The following EML1 variants were observed in gnomAD, a reference collection of about 807,000 sequenced individuals.
EML1 encodes echinoderm microtubule-associated protein-like 1.
A neutral mutation model predicts 110.4 loss-of-function variants in EML1; 27 were observed. The observed-to-expected ratio is 0.24, with a 90% CI of 0.18 to 0.34. The LOEUF (loss-of-function observed/expected upper bound fraction) is 0.34. EML1 is among the 10% of genes least tolerant of loss of function. The probability of loss-of-function intolerance (pLI) is 1.00; values close to 1 mark genes in which losing one functional copy is unlikely to be tolerated. For synonymous variants in EML1, 344 were observed against 385.8 expected (o/e 0.89, Z 1.27); for missense variants, 741 against 1,030.9 (o/e 0.72, Z 3.85).
At chr14:99,739,944 C>T (rs2140157879) in intron 1 of EML1, among the ~76,000 whole-genome samples, 1 of 152,324 alleles carries the variant, frequency 6.6e-6, no homozygotes, top group Admixed American at 6.5e-5. Context: ...TATTCAAGGG[C>T]ACTGTGCCTC....
At chr14:99,861,776 C>T (rs1473700094) in intron 2 of EML1, among the ~76,000 whole-genome samples, 1 of 152,124 alleles carries the variant, frequency 6.6e-6, no homozygotes, top group African/African-American at 2.4e-5. Context: ...GCCACCATGC[C>T]TGGCCTCTGC....
intron 1 of EML1, among the ~76,000 whole-genome samples, chr14:99,816,145 A>G (rs1452282232): frequency 2.0e-5 from 3 of 152,090 alleles, no homozygotes; most frequent in Admixed American, 6.6e-5. Context: ...ATCCGACTAG[A>G]CGTACTTTCA....
chr14:99,870,964 ATT>A (rs112229345), intron 3 of EML1, among the ~76,000 whole-genome samples: 12 of 146,718 alleles, frequency 8.2e-5, no homozygotes, highest in African/African-American at 3.0e-4. Flanking sequence ...AGGAAATAAC[ATT>A]TTTTTTTTTT....
At chr14:99,738,885 C>T (rs1267972802) in intron 1 of EML1, among the ~76,000 whole-genome samples, 2 of 152,222 alleles carry the variant, frequency 1.3e-5, no homozygotes, top group East Asian at 1.9e-4. Context: ...GTCGCTGGCA[C>T]GTGGATTCCT....
intron 1 of EML1, among the ~76,000 whole-genome samples, chr14:99,812,548 A>G (rs1472007299): frequency 6.6e-6 from 1 of 151,588 alleles, no homozygotes; most frequent in Non-Finnish European, 1.5e-5. Flanking sequence ...GCCTCCCCAC[A>G]TGCATTGTCC....
At chr14:99,754,374 G>A (rs890295775) in intron 1 of EML1, among the ~76,000 whole-genome samples, 4 of 152,174 alleles carry the variant, frequency 2.6e-5, no homozygotes, top group Non-Finnish European at 5.9e-5. Context: ...CTCCCCCCAC[G>A]GTGGCACGCA....
chr14:99,822,859 T>C (rs1464944213), intron 1 of EML1, among the ~76,000 whole-genome samples: 25 of 152,244 alleles, frequency 1.6e-4, no homozygotes. Context: ...TTTCCATTTC[T>C]TTGGTTCCCG....
At chr14:99,835,248 T>G (rs2058520983) in intron 1 of EML1, among the ~76,000 whole-genome samples, 2 of 152,232 alleles carry the variant, frequency 1.3e-5, no homozygotes, top group African/African-American at 4.8e-5. Context: ...GTTACTGAAT[T>G]TATTGGCATA....
chr14:99,787,328 G>A (rs562025153), intron 1 of EML1, among the ~76,000 whole-genome samples: 8 of 140,636 alleles, frequency 5.7e-5, no homozygotes, highest in African/African-American at 1.1e-4. Flanking sequence ...GCTGGATTGC[G>A]GTGGGCACGA....
chr14:99,863,657 T>C (rs2059041616), intron 2 of EML1, among the ~76,000 whole-genome samples: 1 of 152,244 alleles, frequency 6.6e-6, no homozygotes, highest in Non-Finnish European at 1.5e-5. Context: ...ATTTCAGATG[T>C]GGTTTGCTTC....
chr14:99,847,685 T>G (rs956075647), intron 1 of EML1, among the ~76,000 whole-genome samples: 1 of 152,328 alleles, frequency 6.6e-6, no homozygotes, highest in South Asian at 2.1e-4. Flanking sequence ...TTCATGTATT[T>G]TAAAGCTCTA....
upstream of EML1, among the ~76,000 whole-genome samples, chr14:99,790,865 C>CTTTTTT (rs763959981): frequency 2.0e-4 from 28 of 138,520 alleles, no homozygotes; most frequent in African/African-American, 3.9e-4. Context: ...TTTTTCTTTT[C>CTTTTTT]CTTTTTTTTT....
intron 17 of EML1, among the ~76,000 whole-genome samples, chr14:99,935,363 G>C (rs1023845731): frequency 6.6e-6 from 1 of 151,884 alleles, no homozygotes; most frequent in African/African-American, 2.4e-5. Flanking sequence ...TGTAGTCCCA[G>C]ATACTTCCCT....
At chr14:99,851,095 C>T in intron 2 of EML1, 60 bp downstream of exon 2, 2 of 1,536,192 alleles carry the variant, frequency 1.3e-6, no homozygotes, top group South Asian at 1.2e-5. Context: ...GAATCTTGCT[C>T]TAGCAAACAC....
intron 6 of EML1, among the ~76,000 whole-genome samples, chr14:99,896,401 C>T (rs1371426014): frequency 6.6e-6 from 1 of 152,064 alleles, no homozygotes; most frequent in Non-Finnish European, 1.5e-5. Context: ...CATTTACCTG[C>T]ACCTGTTTTG....
intron 1 of EML1, among the ~76,000 whole-genome samples, chr14:99,780,054 C>A (rs967508788): frequency 3.9e-5 from 6 of 152,084 alleles, no homozygotes; most frequent in Non-Finnish European, 8.8e-5. Context: ...CTCTTCCTGG[C>A]TTGCAGACTG....
At chr14:99,881,144 G>A (rs994448537) in intron 4 of EML1, among the ~76,000 whole-genome samples, 17 of 152,218 alleles carry the variant, frequency 1.1e-4, no homozygotes, top group African/African-American at 3.6e-4. Context: ...CCTGCCCGCT[G>A]TTCCAGAGCC....
At chr14:99,864,291 T>C (rs1236601470) in intron 2 of EML1, among the ~76,000 whole-genome samples, 2 of 152,358 alleles carry the variant, frequency 1.3e-5, no homozygotes, top group South Asian at 2.1e-4. Flanking sequence ...ATCTATGCCT[T>C]GTATTTTAAT....
chr14:99,811,040 G>A (rs909844803), intron 1 of EML1, among the ~76,000 whole-genome samples: 6 of 152,036 alleles, frequency 3.9e-5, no homozygotes, highest in African/African-American at 1.5e-4. Context: ...ATGTCTGTCT[G>A]GGATCCCATA....
Sources: gnomAD v4.1 joint callset for allele counts (sites outside exome capture counted in the v4.1 genomes callset) on GRCh38, gnomAD v4.1.1 for gene constraint, MANE v1.5 for transcripts, NCBI Gene and HGNC (gene_info 2026-07-23, HGNC 2026-07-21) for gene names.